The following PITPNA variants were observed in gnomAD, a reference collection of about 807,000 sequenced individuals.
PITPNA encodes phosphatidylinositol transfer protein alpha isoform.
In PITPNA, 13 loss-of-function variants were observed where a neutral mutation model predicts 50.3. That is an observed-to-expected ratio of 0.26 (90% confidence interval 0.17 to 0.41). The LOEUF is 0.41. Ranked by LOEUF, PITPNA falls within the 10% of genes least tolerant of loss-of-function variation. PITPNA has a pLI of 1.00. For synonymous variants in PITPNA, 120 were observed against 119.6 expected (o/e 1.00, Z -0.02); for missense variants, 207 against 333.4 (o/e 0.62, Z 2.95).
At chr17:1,522,117 TGC>T (rs1290013870) in intron 10 of PITPNA, among the ~76,000 whole-genome samples, 49 of 148,812 alleles carry the variant, frequency 3.3e-4, no homozygotes, top group Non-Finnish European at 4.2e-4. Flanking sequence ...CAGGCCGGAC[TGC>T]GGACTGCAGT....
At chr17:1,544,616 T>A (rs1440080445) in intron 4 of PITPNA, among the ~76,000 whole-genome samples, 1 of 152,204 alleles carries the variant, frequency 6.6e-6, no homozygotes, top group Admixed American at 6.5e-5. Flanking sequence ...GAGCAGAGAT[T>A]TCCAAATGAG....
Position 1,532,296 on chromosome 17 carries a change from C to T in PITPNA, c.768+1803G>A, listed in dbSNP as rs565994928. ...TAGAGACAGGGTTTCACCATGTTGG[C>T]CAAGTTGGTCTCAGACTCCTGACCT... On this transcript the variant is annotated intron_variant, in intron 10 of 11. Coordinates refer to ENST00000313486, the MANE Select transcript of PITPNA (RefSeq NM_006224.4). Among the ~76,000 whole-genome samples, 13 of 152,010 alleles carry T rather than the reference C, an allele frequency of 8.6e-5. No homozygotes were observed. In the South Asian group the frequency reaches 1.0e-3, roughly 12 times the overall value.
chr17:1,522,461 C>T (rs1262808045), intron 10 of PITPNA, among the ~76,000 whole-genome samples: 2 of 152,092 alleles, frequency 1.3e-5, no homozygotes, highest in Non-Finnish European at 2.9e-5. Flanking sequence ...CAACCTCTGC[C>T]TCCTGGATTC....
chr17:1,522,731 G>T (rs75234155), intron 10 of PITPNA, among the ~76,000 whole-genome samples: 3,102 of 152,294 alleles, frequency 0.02, 134 homozygotes, highest in African/African-American at 0.071. Context: ...ATTTAGCTGT[G>T]AACTAAACAG....
At chr17:1,543,049 GA>G (rs759071072) in intron 4 of PITPNA, 22 bp from the exon 5 acceptor site, 8 of 1,570,278 alleles carry the variant, frequency 5.1e-6, no homozygotes, top group Non-Finnish European at 3.5e-6. Flanking sequence ...CAAGGACATG[GA>G]AAGAAGAGAG....
chr17:1,522,563 G>C (rs1323794588), intron 10 of PITPNA, among the ~76,000 whole-genome samples: 1 of 151,970 alleles, frequency 6.6e-6, no homozygotes, highest in Non-Finnish European at 1.5e-5. Context: ...AGGGGAGACG[G>C]GGTTTCACCA....
intron 9 of PITPNA, 133 bp downstream of exon 9, chr17:1,535,049 A>C (rs913641864): frequency 2.1e-5 from 13 of 608,438 alleles, no homozygotes; most frequent in African/African-American, 2.0e-4. Flanking sequence ...GTTCTCCACC[A>C]CCCCCCACCG....
At chr17:1,551,153 C>T (rs546593944) in intron 3 of PITPNA, among the ~76,000 whole-genome samples, 4 of 152,216 alleles carry the variant, frequency 2.6e-5, no homozygotes, top group East Asian at 1.9e-4. Context: ...ATAAGAAGGG[C>T]GAGTGAGAGT....
At chr17:1,521,352 C>G (rs1006395416) in intron 11 of PITPNA, among the ~76,000 whole-genome samples, 1 of 152,058 alleles carries the variant, frequency 6.6e-6, no homozygotes, top group Non-Finnish European at 1.5e-5. Flanking sequence ...TCCACCACCC[C>G]CTCCCTGTCC....
chr17:1,536,043 C>A (rs2075613864), intron 7 of PITPNA, among the ~76,000 whole-genome samples: 1 of 152,140 alleles, frequency 6.6e-6, no homozygotes, highest in South Asian at 2.1e-4. Flanking sequence ...TTAACAAAAT[C>A]ATTACTGGAA....
chr17:1,533,696 C>A (rs141103966), intron 10 of PITPNA, among the ~76,000 whole-genome samples: 2 of 152,308 alleles, frequency 1.3e-5, no homozygotes, highest in African/African-American at 2.4e-5. Context: ...TCAGCTCCTG[C>A]GTGCGCTGTG....
At chr17:1,552,536 G>A (rs907729816) in intron 3 of PITPNA, among the ~76,000 whole-genome samples, 9 of 152,024 alleles carry the variant, frequency 5.9e-5, no homozygotes, top group African/African-American at 1.5e-4. Context: ...TCGATTTCAC[G>A]ATATCAGAAT....
intron 4 of PITPNA, among the ~76,000 whole-genome samples, chr17:1,545,041 T>C (rs1398607205): frequency 6.6e-6 from 1 of 151,126 alleles, no homozygotes. Flanking sequence ...GGCTTAGTGA[T>C]ACTGTATCCA....
At chr17:1,521,757 A>G in intron 10 of PITPNA, 112 bp from the exon 11 acceptor site, 4 of 818,920 alleles carry the variant, frequency 4.9e-6, no homozygotes, top group South Asian at 4.2e-5. Flanking sequence ...AAAGCAAGAC[A>G]CTGGAAGGAC....
chr17:1,527,389 G>A (rs1368835521), intron 10 of PITPNA, among the ~76,000 whole-genome samples: 3 of 152,050 alleles, frequency 2.0e-5, no homozygotes, highest in Non-Finnish European at 2.9e-5. Context: ...GATTGCAGGC[G>A]TGCACCACCA....
chr17:1,560,466 G>A (rs746213532), intron 1 of PITPNA, among the ~76,000 whole-genome samples: 7 of 152,140 alleles, frequency 4.6e-5, no homozygotes, highest in Non-Finnish European at 7.4e-5. Flanking sequence ...GGAAGGAAAC[G>A]CAGATACCAG....
rs746900232 is a variant in PITPNA at position 1,553,009 on chromosome 17, C to T, written c.192G>A (p.Leu64=). ...KGQYTHKIYH[L]QSKVPTFVRM... Reference sequence around the variant, plus strand: ...CCGCTGCTCATGCCGCATACCTCTGCAGGTGGTAGATCTTGTGTGTGTACT... The same window carrying T: ...CCGCTGCTCATGCCGCATACCTCTGTAGGTGGTAGATCTTGTGTGTGTACT... The change falls in exon 3 of 12, where the codon CTG becomes CTA. Residue 64 remains leucine, a synonymous_variant. Transcript: ENST00000313486. The T allele has an allele frequency of 1.2e-6, 2 of 1,613,846 alleles. No homozygotes were observed. Among genetic ancestry groups the T allele is most frequent in the South Asian group, 1.1e-5 (1 of 91,084 alleles).
intron 10 of PITPNA, among the ~76,000 whole-genome samples, chr17:1,522,949 G>C (rs1015416822): frequency 1.7e-4 from 26 of 152,182 alleles, no homozygotes; most frequent in Non-Finnish European, 3.4e-4. Context: ...TCCGGGAGAG[G>C]AGTTCCCGGC....
At chr17:1,546,615 C>T (rs2075675850) in intron 4 of PITPNA, among the ~76,000 whole-genome samples, 1 of 152,130 alleles carries the variant, frequency 6.6e-6, no homozygotes, top group Non-Finnish European at 1.5e-5. Flanking sequence ...TGTCTGTACC[C>T]ACACATGGAG....
Sources: allele counts gnomAD v4.1 joint callset (sites outside exome capture counted in the v4.1 genomes callset), GRCh38; gene constraint gnomAD v4.1.1; transcripts MANE v1.5; gene names NCBI Gene and HGNC (gene_info 2026-07-23, HGNC 2026-07-21).